Variants in PPFIA4 observed in about 807,000 individuals in gnomAD.
PPFIA4 encodes the protein liprin-alpha-4.
A neutral mutation model predicts 145.7 loss-of-function variants in PPFIA4; 98 were observed. The ratio of observed to expected loss-of-function variants is 0.67; its 90% confidence interval spans 0.57 to 0.80. PPFIA4 has a LOEUF of 0.80. Ranked by LOEUF, PPFIA4 falls within the 30% of genes least tolerant of loss-of-function variation. PPFIA4 has a pLI of 0.00. For missense variants in PPFIA4, 1,457 were observed against 1,632.7 expected (o/e 0.89, Z 1.85); for synonymous variants, 628 against 649.6 (o/e 0.97, Z 0.51).
rs1339140170 is a variant in PPFIA4, at chr1:203,055,967, GC to G, written c.2071-152del. ...AGCCCTGGCTTGTTTTTCTAGGCCA[GC>G]TTTTTTTTTTTTTTCTGGCGTGATA... is the stretch of plus-strand genomic sequence containing the variant. On this transcript the variant is annotated intron_variant, in intron 16 of 29. Transcript: ENST00000295706. This position sits in a 1 kb window ranked among gnomAD's most constrained non-coding sequence, Gnocchi z 4.8. 6.8e-6 allele frequency among the ~76,000 whole-genome samples: 1 copy of G among 146,228 alleles called. No homozygotes were observed. The highest frequency in any genetic ancestry group is 1.5e-5 in the Non-Finnish European group (1 of 65,474).
Position 203,049,680 on chromosome 1 carries a change from G to A in PPFIA4, c.1424G>A (p.Arg475His), listed in dbSNP as rs779334198. The A allele has an allele frequency of 1.6e-5, 23 of 1,439,486 alleles. No homozygotes were observed. The highest frequency in any genetic ancestry group is 2.0e-5 in the Admixed American group (1 of 49,692). The allele number at this position is 1,439,486 out of a possible 1,614,324, so 89.2% of individuals were successfully genotyped here. ...QIEEQHHHKGRLSEEIEKLRQ... is the reference protein window; with the variant it reads ...QIEEQHHHKGHLSEEIEKLRQ... ...ACCCCGGGTCTGCTGGCACAGGGCC[G>A]CCTGTCTGAAGAGATTGAGAAGCTG... The change falls in exon 13 of 30, where the codon CGC becomes CAC. Residue 475 changes from arginine (R) to histidine (H), a missense_variant. Around this residue, in one of 3 missense-constraint regions of PPFIA4, gnomAD observed 848 missense variants for 1,046.7 expected, o/e 0.81. Transcript: ENST00000295706.
At chr1:203,033,129 T>A (rs1658968706) in intron 1 of PPFIA4, among the ~76,000 whole-genome samples, 1 of 152,202 alleles carries the variant, frequency 6.6e-6, no homozygotes. Context: ...TTCTCAGAAC[T>A]GTTTCATGTC....
chr1:203,027,153 G>T (rs1046255961), intron 1 of PPFIA4, among the ~76,000 whole-genome samples: 1 of 151,460 alleles, frequency 6.6e-6, no homozygotes, highest in Non-Finnish European at 1.5e-5. Context: ...TGCCAGAGAT[G>T]CCCCCATCTC....
In PPFIA4 at chr1:203,058,908, C is replaced by T. The variant is rs116779793; in HGVS notation, c.2408-270C>T. Among the ~76,000 whole-genome samples, 355 of 152,200 alleles carry T rather than the reference C, an allele frequency of 2.3e-3. 3 individuals carry two copies. Among genetic ancestry groups the T allele is most frequent in the African/African-American group, 8.4e-3 (347 of 41,506 alleles). On this transcript the variant is annotated intron_variant, in intron 19 of 29. Coordinates refer to ENST00000295706, the MANE Select transcript of PPFIA4 (RefSeq NM_001304331.2). ...CAGGTTCTGTCTAGGATTCTAGGGTCGATAACTTGGGTCCATCTGGCTGGA... is the reference window on the plus strand; with the variant it reads ...CAGGTTCTGTCTAGGATTCTAGGGTTGATAACTTGGGTCCATCTGGCTGGA...
chr1:203,032,430 T>TTTTTTG (rs57892403), intron 1 of PPFIA4, among the ~76,000 whole-genome samples: 1 of 139,382 alleles, frequency 7.2e-6, no homozygotes, highest in Non-Finnish European at 1.5e-5. Flanking sequence ...TCCCCGCTTT[T>TTTTTTG]TTGTTGTTGT....
intron 1 of PPFIA4, among the ~76,000 whole-genome samples, chr1:203,028,697 G>A (rs1161013763): frequency 6.6e-6 from 1 of 151,966 alleles, no homozygotes; most frequent in African/African-American, 2.4e-5. Context: ...ATGTGTTGGA[G>A]AGGAGGAGAG....
rs781755427 is a variant in PPFIA4, at chr1:203,043,540, G to A, written c.336+42G>A. Reference sequence around the variant, plus strand: ...TTGTGTCGCGCGCGCGCACGTGTGTGTGTGTGTGTATGGGGGTGTGTTGTG... The same window carrying A: ...TTGTGTCGCGCGCGCGCACGTGTGTATGTGTGTGTATGGGGGTGTGTTGTG... On this transcript the variant is annotated intron_variant, in intron 3 of 29. Coordinates refer to ENST00000295706, the MANE Select transcript of PPFIA4 (RefSeq NM_001304331.2). The surrounding 1 kb of genome is among the most constrained non-coding windows in gnomAD (Gnocchi z 4.4). 2.4e-5 allele frequency: 36 copies of A among 1,529,958 alleles called. 1 individual carries two copies. The South Asian group carries it at 3.2e-4, about 14-fold the overall frequency. The allele number at this position is 1,529,958 out of a possible 1,614,324, so 94.8% of individuals were successfully genotyped here. A position where few individuals can be genotyped will look rare whatever the true frequency, so the allele number is the denominator to read the frequency against.
Position 203,043,821 on chromosome 1 carries a change from T to G in PPFIA4, c.337-110T>G, listed in dbSNP as rs1029555749. 134 of 1,104,432 alleles carry G rather than the reference T, an allele frequency of 1.2e-4. 1 individual carries two copies. Among genetic ancestry groups the G allele is most frequent in the Non-Finnish European group, 1.5e-4 (121 of 785,836 alleles). The allele number at this position is 1,104,432 out of a possible 1,614,324, so 68.4% of individuals were successfully genotyped here. A position where few individuals can be genotyped will look rare whatever the true frequency, so the allele number is the denominator to read the frequency against. On this transcript the variant is annotated intron_variant, in intron 3 of 29. Coordinates refer to ENST00000295706, the MANE Select transcript of PPFIA4 (RefSeq NM_001304331.2). The surrounding 1 kb of genome is among the most constrained non-coding windows in gnomAD (Gnocchi z 4.4). ...TGGAAGTATTTCAGTGTTTTCACAG[T>G]GGGGTGGCTGTAACTCATGTCTGCT...
chr1:203,053,947 CAAT>C lies in PPFIA4; in HGVS notation c.1816_1818del (p.Asn606del). ...TGCTGCAGGAGCAGCTGGATGCCAT[CAAT>C]GAGGAAATCAGGTTAGGGCAGGGCT... On this transcript the variant is annotated inframe_deletion, in exon 15 of 30. Coordinates refer to ENST00000295706, the MANE Select transcript of PPFIA4 (RefSeq NM_001304331.2). 1 of 1,564,520 alleles carries C rather than the reference CAAT, an allele frequency of 6.4e-7. No homozygotes were observed. Among genetic ancestry groups the C allele is most frequent in the Non-Finnish European group, 8.7e-7 (1 of 1,154,374 alleles).
At position 203,055,592 on chromosome 1, in the gene PPFIA4, C is replaced by T; in HGVS notation, c.1990C>T (p.Pro664Ser). 6.2e-7 allele frequency: 1 copy of T among 1,614,028 alleles called. No individual in the cohort carries two copies. The highest frequency in any genetic ancestry group is 1.1e-5 in the South Asian group (1 of 91,078). ...TALSLASASP[P>S]LSGRSTPKLT... is the part of the protein sequence containing the mutation. ...CCTGTCCCTGGCCAGCGCGTCCCCA[C>T]CACTCAGCGGCCGCTCCACACCTAA... is the stretch of plus-strand genomic sequence containing the variant. The change falls in exon 16 of 30, where the codon CCA becomes TCA. Residue 664 changes from proline (P) to serine (S), a missense_variant. Physicochemically the swap from Pro to Ser is moderately conservative, Grantham distance 74. This residue lies in a region of PPFIA4 where 848 missense variants were observed against 1,046.7 expected (regional missense o/e 0.81). Transcript: ENST00000295706. This position sits in a 1 kb window ranked among gnomAD's most constrained non-coding sequence, Gnocchi z 4.8.
chr1:203,032,763 A>C (rs1445752089), intron 1 of PPFIA4, among the ~76,000 whole-genome samples: 1 of 151,942 alleles, frequency 6.6e-6, no homozygotes, highest in Non-Finnish European at 1.5e-5. Flanking sequence ...ATTAGTTTTG[A>C]CATTAGTCCT....
chr1:203,075,871 C>T lies in PPFIA4; in HGVS notation c.3574+114C>T. 1 of 1,092,226 alleles carries T rather than the reference C, an allele frequency of 9.2e-7. No homozygotes were observed. The allele number at this position is 1,092,226 out of a possible 1,614,324, so 67.7% of individuals were successfully genotyped here. A position where few individuals can be genotyped will look rare whatever the true frequency, so the allele number is the denominator to read the frequency against. On this transcript the variant is annotated intron_variant, in intron 29 of 29. Coordinates refer to ENST00000295706, the MANE Select transcript of PPFIA4 (RefSeq NM_001304331.2). This position sits in a 1 kb window ranked among gnomAD's most constrained non-coding sequence, Gnocchi z 4.1. The stretch of plus-strand genomic sequence containing the variant: ...GCGAGGCCGAGGCTGGTGCCCCGCG[C>T]TCCTGCGCTGCAGCTGCACTAACGC...
intron 13 of PPFIA4, 22 bp from the exon 14 acceptor site, chr1:203,051,747 C>G (rs759009618): frequency 6.3e-7 from 1 of 1,595,642 alleles, no homozygotes; most frequent in South Asian, 1.1e-5. Context: ...CCTGTCTTTT[C>G]TCTCCCCCAT....
chr1:203,054,639 T>C (rs1660775901), intron 15 of PPFIA4, among the ~76,000 whole-genome samples: 2 of 151,142 alleles, frequency 1.3e-5, no homozygotes, highest in Admixed American at 1.3e-4. Flanking sequence ...AGTTCAATGG[T>C]TCAATGTATT....
At position 203,075,705 on chromosome 1, in the gene PPFIA4, C is replaced by A; in HGVS notation, c.3522C>A (p.Thr1174=). The A allele has an allele frequency of 6.9e-7, 1 of 1,457,668 alleles. No homozygotes were observed. The highest frequency in any genetic ancestry group is 9.1e-7 in the Non-Finnish European group (1 of 1,100,896). The allele number at this position is 1,457,668 out of a possible 1,614,324, so 90.3% of individuals were successfully genotyped here. The change falls in exon 29 of 30, where the codon ACC becomes ACA. Residue 1174 remains threonine, a synonymous_variant. Transcript: ENST00000295706. The surrounding 1 kb of genome is among the most constrained non-coding windows in gnomAD (Gnocchi z 4.1). ...ETLPAGFRVS[T]LGTLQPPPAP... The stretch of plus-strand genomic sequence containing the variant: ...TCCCGGCGGGCTTCCGTGTGTCCAC[C>A]CTGGGGACCCTGCAGCCCCCACCGG...
Position 203,076,597 on chromosome 1 carries a change from T to C in PPFIA4, c.*207T>C. The C allele has an allele frequency of 1.7e-6, 1 of 595,614 alleles. No homozygotes were observed. The highest frequency in any genetic ancestry group is 3.8e-4 in the Middle Eastern group (1 of 2,644). 36.9% of individuals were successfully genotyped at this position (595,614 alleles called of 1,614,324 possible). A position where few individuals can be genotyped will look rare whatever the true frequency, so the allele number is the denominator to read the frequency against. On this transcript the variant is annotated 3_prime_UTR_variant, in exon 30 of 30. Transcript: ENST00000295706. The stretch of plus-strand genomic sequence containing the variant: ...GTGTCCGTTGTAAGTCCGGTGGATG[T>C]GGCTGGGGTTTCCTGGTATTGTGGA...
chr1:203,062,676 C>CG (rs35731587), intron 24 of PPFIA4, among the ~76,000 whole-genome samples: 2 of 151,482 alleles, frequency 1.3e-5, no homozygotes, highest in Admixed American at 1.3e-4. Flanking sequence ...GGTGATGGGT[C>CG]GGGGGGGATC....
At chr1:203,047,185 C>T (rs1310099297) in intron 9 of PPFIA4, among the ~76,000 whole-genome samples, 2 of 152,092 alleles carry the variant, frequency 1.3e-5, no homozygotes, top group East Asian at 1.9e-4. Flanking sequence ...GCTTCGAGGA[C>T]GGAACCTGCA....
At position 203,044,195 on chromosome 1, in the gene PPFIA4, C is replaced by T. The variant is rs1659902163; in HGVS notation, c.501+100C>T. 3 of 1,316,854 alleles carry T rather than the reference C, an allele frequency of 2.3e-6. No homozygotes were observed. In the South Asian group the frequency reaches 4.4e-5, roughly 19 times the overall value. 81.6% of individuals were successfully genotyped at this position (1,316,854 alleles called of 1,614,324 possible). ...TTCCACATCCGGTATTTAGGGAGCA[C>T]TGGCTCCCTCCAAACATTGTCTTAA... is the stretch of plus-strand genomic sequence containing the variant. On this transcript the variant is annotated intron_variant, in intron 4 of 29. Transcript: ENST00000295706.
Sources: allele counts gnomAD v4.1 joint callset (sites outside exome capture counted in the v4.1 genomes callset), GRCh38; gene constraint gnomAD v4.1.1; regional missense constraint gnomAD v4.1.1; non-coding constraint Gnocchi (gnomAD v3.1); transcripts MANE v1.5; gene names NCBI Gene and HGNC (gene_info 2026-07-23, HGNC 2026-07-21).